Variants in ASIP observed in about 807,000 individuals in gnomAD.
The protein encoded by ASIP is agouti signaling protein, also known as agouti-signaling protein.
Under a neutral mutation model 10.3 loss-of-function variants are expected in ASIP, and 11 were observed. The observed-to-expected ratio is 1.07, with a 90% CI of 0.68 to 1.78. The LOEUF (loss-of-function observed/expected upper bound fraction) is 1.78. Among genes scored for constraint, ASIP ranks in the 40% most tolerant of loss-of-function variants. The pLI is 0.00. For synonymous variants in ASIP, 70 were observed against 70.8 expected, an observed-to-expected ratio of 0.99 and a Z score of 0.06; for missense variants, 180 against 169.2, an observed-to-expected ratio of 1.06 and a Z score of -0.35.
At chr20:34,263,490 G>A (rs144415134) in intron 3 of ASIP, among the ~76,000 whole-genome samples, 27 of 152,004 alleles carry the variant, frequency 1.8e-4, no homozygotes, top group Admixed American at 1.3e-3. Flanking sequence ...GCTTGTACCC[G>A]GGAGGTGGAG....
At chr20:34,224,416 C>T (rs1345850349) in intron 1 of ASIP, among the ~76,000 whole-genome samples, 2 of 151,364 alleles carry the variant, frequency 1.3e-5, no homozygotes, top group South Asian at 2.1e-4. Context: ...ACTGGCCATA[C>T]AGAAGGAATC....
At chr20:34,246,795 G>C (rs1403355050) in intron 1 of ASIP, among the ~76,000 whole-genome samples, 1 of 152,066 alleles carries the variant, frequency 6.6e-6, no homozygotes. Flanking sequence ...AGATAAACTT[G>C]AAGCTCCCTT....
intron 3 of ASIP, among the ~76,000 whole-genome samples, chr20:34,267,773 C>G (rs892602287): frequency 6.6e-6 from 1 of 151,752 alleles, no homozygotes; most frequent in Non-Finnish European, 1.5e-5. Flanking sequence ...TCAGGTGATC[C>G]GCCTGCCTAG....
At chr20:34,250,558 G>A (rs1265175766) in intron 1 of ASIP, among the ~76,000 whole-genome samples, 3 of 152,118 alleles carry the variant, frequency 2.0e-5, no homozygotes, top group Non-Finnish European at 4.4e-5. Context: ...AGCACTTTGG[G>A]AGGCTGAGGC....
chr20:34,255,879 C>T (rs758618717), intron 1 of ASIP, among the ~76,000 whole-genome samples: 15 of 152,112 alleles, frequency 9.9e-5, no homozygotes, highest in Non-Finnish European at 1.9e-4. Context: ...CTTAGCAGAC[C>T]GAGAAAGGGA....
At chr20:34,196,173 CT>C (rs34524786) in intron 1 of ASIP, among the ~76,000 whole-genome samples, 1,033 of 83,702 alleles carry the variant, frequency 0.012, 2 homozygotes, top group South Asian at 0.045. Context: ...AGGGAGATTT[CT>C]TTTTTTTTTT....
At chr20:34,193,009 A>G (rs2034834057), upstream of ASIP, among the ~76,000 whole-genome samples, 1 of 152,236 alleles carries the variant, frequency 6.6e-6, no homozygotes, top group Admixed American at 6.5e-5. Flanking sequence ...TGTTAACTAT[A>G]GTTGCCCTTT....
At chr20:34,226,230 T>C (rs74919394) in intron 1 of ASIP, among the ~76,000 whole-genome samples, 43 of 152,360 alleles carry the variant, frequency 2.8e-4, no homozygotes, top group Non-Finnish European at 5.1e-4. Flanking sequence ...GTGTCTCTTA[T>C]GTCAGCTTAC....
At chr20:34,186,952 T>C in the ASIP span, among the ~76,000 whole-genome samples, 5 of 152,298 alleles carry the variant, frequency 3.3e-5, no homozygotes, top group Middle Eastern at 3.4e-3. Context: ...TAGCTGGGAC[T>C]ACAGGTGCGT....
At chr20:34,262,484 C>T (rs984621270) in intron 2 of ASIP, among the ~76,000 whole-genome samples, 5 of 152,160 alleles carry the variant, frequency 3.3e-5, no homozygotes, top group Admixed American at 1.3e-4. Context: ...CTGTGCCTGC[C>T]ACAATGGAGA....
At chr20:34,201,695 T>C (rs1016822318) in intron 1 of ASIP, among the ~76,000 whole-genome samples, 3 of 152,226 alleles carry the variant, frequency 2.0e-5, no homozygotes, top group Non-Finnish European at 4.4e-5. Context: ...GGATTTTTTT[T>C]CTTCAAACTT....
At chr20:34,237,518 C>T (rs2035226377), upstream of ASIP, among the ~76,000 whole-genome samples, 1 of 152,118 alleles carries the variant, frequency 6.6e-6, no homozygotes, top group South Asian at 2.1e-4. Flanking sequence ...TGCTACTTTG[C>T]TAAACTGATT....
At chr20:34,267,481 AAAG>A (rs1300774940) in intron 3 of ASIP, among the ~76,000 whole-genome samples, 4 of 151,414 alleles carry the variant, frequency 2.6e-5, no homozygotes, top group South Asian at 2.1e-4. Flanking sequence ...AAAAAAAAAA[AAAG>A]AACTGTGATG....
At chr20:34,242,480 A>T (rs2035299069) in intron 1 of ASIP, among the ~76,000 whole-genome samples, 1 of 152,092 alleles carries the variant, frequency 6.6e-6, no homozygotes, top group Non-Finnish European at 1.5e-5. Context: ...TGATCTGCCC[A>T]CCTCAGCCTC....
At chr20:34,202,464 T>C (rs2034906003) in intron 1 of ASIP, among the ~76,000 whole-genome samples, 1 of 152,254 alleles carries the variant, frequency 6.6e-6, no homozygotes, top group South Asian at 2.1e-4. Flanking sequence ...TGAATTGTGG[T>C]GAATGGCAAT....
chr20:34,213,643 T>C, intron 1 of ASIP: 1 of 1,563,330 alleles, frequency 6.4e-7, no homozygotes, highest in East Asian at 2.2e-5. Context: ...AGGAATGAAC[T>C]CCTGGAGGTC....
chr20:34,213,877 T>C (rs2034990486), intron 1 of ASIP: 1 of 1,566,338 alleles, frequency 6.4e-7, no homozygotes, highest in Non-Finnish European at 8.8e-7. Context: ...GCTGAAAGCT[T>C]TACTAGTTCG....
intron 1 of ASIP, among the ~76,000 whole-genome samples, chr20:34,204,796 C>T (rs902874594): frequency 2.0e-5 from 3 of 151,974 alleles, no homozygotes; most frequent in African/African-American, 7.3e-5. Context: ...TTAAAATGAG[C>T]CTGTGATTTT....
intron 1 of ASIP, among the ~76,000 whole-genome samples, chr20:34,221,803 A>C (rs936841450): frequency 6.6e-6 from 1 of 152,148 alleles, no homozygotes. Flanking sequence ...AGAAAAGAGC[A>C]AAGGACACTG....
Sources: gnomAD v4.1 joint callset for allele counts (sites outside exome capture counted in the v4.1 genomes callset) on GRCh38, gnomAD v4.1.1 for gene constraint, MANE v1.5 for transcripts, NCBI Gene and HGNC (gene_info 2026-07-23, HGNC 2026-07-21) for gene names.